The following ITGA8 variants were observed in gnomAD, a reference collection of about 807,000 sequenced individuals.
ITGA8 encodes the protein integrin alpha-8.
In ITGA8, 91 loss-of-function variants were observed where a neutral mutation model predicts 142.3. The observed-to-expected ratio is 0.64, with a 90% CI of 0.54 to 0.76. The LOEUF is 0.76. ITGA8 is among the 30% of genes least tolerant of loss of function. The pLI, the probability that ITGA8 is intolerant of heterozygous loss-of-function variation, is 0.00. For synonymous variants in ITGA8, 505 were observed against 485.2 expected (o/e 1.04, Z -0.54); for missense variants, 1,406 against 1,327.7 (o/e 1.06, Z -0.92).
chr10:15,559,707 C>A (rs1314651672), intron 25 of ITGA8, among the ~76,000 whole-genome samples: 1 of 151,766 alleles, frequency 6.6e-6, no homozygotes, highest in East Asian at 1.9e-4. Flanking sequence ...TTATCCTCAG[C>A]AAACTAACAT....
At chr10:15,619,168 A>G (rs899125078) in intron 13 of ITGA8, among the ~76,000 whole-genome samples, 24 of 152,164 alleles carry the variant, frequency 1.6e-4, no homozygotes, top group African/African-American at 4.3e-4. Context: ...CTTCTTTTCC[A>G]TGTCTCTCTT....
chr10:15,537,815 C>G (rs1268475646), intron 27 of ITGA8, among the ~76,000 whole-genome samples: 5 of 152,092 alleles, frequency 3.3e-5, no homozygotes, highest in Admixed American at 3.3e-4. Context: ...TCTTCCAACT[C>G]TTGGATAAAA....
intron 6 of ITGA8, among the ~76,000 whole-genome samples, chr10:15,676,615 T>C (rs977757944): frequency 6.6e-6 from 1 of 152,210 alleles, no homozygotes; most frequent in Non-Finnish European, 1.5e-5. Context: ...TACTCATTAA[T>C]GTGTCCCCAG....
intron 12 of ITGA8, among the ~76,000 whole-genome samples, chr10:15,645,390 A>G (rs1418987849): frequency 1.3e-5 from 2 of 152,216 alleles, no homozygotes; most frequent in African/African-American, 2.4e-5. Flanking sequence ...AAAGACAAAT[A>G]GAAGAAAATA....
In ITGA8 at chr10:15,696,588, C is replaced by T. The variant is rs547542265; in HGVS notation, c.344-8550G>A. ...TCTGGCTCCAAATTAATAACATTTGCTCTACTTCAAGACAATAATTTCATG... is the reference window on the plus strand; with the variant it reads ...TCTGGCTCCAAATTAATAACATTTGTTCTACTTCAAGACAATAATTTCATG... On this transcript the variant is annotated intron_variant, in intron 2 of 29. Coordinates refer to ENST00000378076, the MANE Select transcript of ITGA8 (RefSeq NM_003638.3). Among the ~76,000 whole-genome samples, 194 of 152,252 alleles carry T rather than the reference C, an allele frequency of 1.3e-3. 1 individual carries two copies. The highest frequency in any genetic ancestry group is 4.5e-3 in the African/African-American group (187 of 41,554).
chr10:15,658,933 T>C (rs1245606735), intron 10 of ITGA8, 66 bp downstream of exon 10: 3 of 1,027,934 alleles, frequency 2.9e-6, no homozygotes, highest in Non-Finnish European at 4.5e-6. Flanking sequence ...GAATAACTGA[T>C]ATGAATATTA....
At chr10:15,606,782 T>C (rs1833204340) in intron 17 of ITGA8, among the ~76,000 whole-genome samples, 1 of 152,208 alleles carries the variant, frequency 6.6e-6, no homozygotes, top group Non-Finnish European at 1.5e-5. Flanking sequence ...ATTTTTATTT[T>C]CGTGAGGTTG....
chr10:15,542,043 A>G (rs994585325), intron 27 of ITGA8, among the ~76,000 whole-genome samples: 2 of 152,122 alleles, frequency 1.3e-5, no homozygotes, highest in African/African-American at 4.8e-5. Flanking sequence ...GGAAAAATAG[A>G]TTCCTGATAG....
chr10:15,608,380 A>AT, intron 15 of ITGA8, 90 bp from the exon 16 acceptor site: 1 of 716,668 alleles, frequency 1.4e-6, no homozygotes, highest in Non-Finnish European at 2.3e-6. Context: ...AACGAATATC[A>AT]TTTTCTCTAT....
At chr10:15,644,596 T>C (rs887750595) in intron 12 of ITGA8, among the ~76,000 whole-genome samples, 1 of 148,690 alleles carries the variant, frequency 6.7e-6, no homozygotes, top group Admixed American at 6.7e-5. Flanking sequence ...CCCACACTGT[T>C]GGGATTAAAG....
chr10:15,661,969 AT>A (rs761045856), intron 8 of ITGA8, among the ~76,000 whole-genome samples: 17 of 152,294 alleles, frequency 1.1e-4, no homozygotes, highest in Non-Finnish European at 1.6e-4. Flanking sequence ...GGGTTGACTG[AT>A]TTCAGGGTCA....
At chr10:15,655,542 A>G (rs1314245911) in intron 10 of ITGA8, 136 bp from the exon 11 acceptor site, 3 of 679,736 alleles carry the variant, frequency 4.4e-6, no homozygotes, top group African/African-American at 3.7e-5. Context: ...CGAAGTGGCC[A>G]GGGTCTTTTT....
At chr10:15,529,884 T>C (rs1833254758) in intron 28 of ITGA8, among the ~76,000 whole-genome samples, 1 of 152,214 alleles carries the variant, frequency 6.6e-6, no homozygotes, top group African/African-American at 2.4e-5. Flanking sequence ...GCTCAGCAGA[T>C]CTGGAGAGGT....
chr10:15,684,428 A>T (rs1286589404), intron 3 of ITGA8, among the ~76,000 whole-genome samples: 5 of 151,818 alleles, frequency 3.3e-5, no homozygotes, highest in Non-Finnish European at 1.5e-5. Flanking sequence ...GTGCAGAGGC[A>T]TGATCACAGC....
rs184822828 is a variant in ITGA8 at position 15,559,290 on chromosome 10, C to T, written c.2638-1088G>A. Reference sequence around the variant, plus strand: ...CACTCCAGCATGCTAACCTGCTCTTCGTTCCCGATGGCCCCAGGTACACTC... The same window carrying T: ...CACTCCAGCATGCTAACCTGCTCTTTGTTCCCGATGGCCCCAGGTACACTC... On this transcript the variant is annotated intron_variant, in intron 25 of 29. Coordinates refer to ENST00000378076, the MANE Select transcript of ITGA8 (RefSeq NM_003638.3). 1.4e-3 allele frequency among the ~76,000 whole-genome samples: 210 copies of T among 152,320 alleles called. 1 individual carries two copies. Among genetic ancestry groups the T allele is most frequent in the East Asian group, 8.3e-3 (43 of 5,166 alleles).
chr10:15,668,841 A>G (rs1042831095), intron 8 of ITGA8, among the ~76,000 whole-genome samples: 1 of 152,262 alleles, frequency 6.6e-6, no homozygotes, highest in South Asian at 2.1e-4. Context: ...AATGTTGACT[A>G]TTGGTCCCCA....
At chr10:15,613,844 A>G (rs1347974460) in intron 14 of ITGA8, 77 bp from the exon 15 acceptor site, 1 of 956,504 alleles carries the variant, frequency 1.0e-6, no homozygotes, top group African/African-American at 1.6e-5. Flanking sequence ...TTCACTGCAT[A>G]CTGAACTCAG....
intron 2 of ITGA8, among the ~76,000 whole-genome samples, chr10:15,712,965 C>A (rs1047424744): frequency 5.3e-5 from 8 of 152,228 alleles, no homozygotes; most frequent in African/African-American, 1.9e-4. Context: ...GCAGATTAAG[C>A]AATAGGTGCC....
At chr10:15,573,968 T>C (rs1159200357) in intron 24 of ITGA8, among the ~76,000 whole-genome samples, 1 of 152,234 alleles carries the variant, frequency 6.6e-6, no homozygotes, top group Non-Finnish European at 1.5e-5. Context: ...GGTTTCTTTT[T>C]AGAAAATTAT....
Sources: allele counts gnomAD v4.1 joint callset (sites outside exome capture counted in the v4.1 genomes callset), GRCh38; gene constraint gnomAD v4.1.1; transcripts MANE v1.5; gene names NCBI Gene and HGNC (gene_info 2026-07-23, HGNC 2026-07-21).